The following ACTN4 variants were observed in gnomAD, a reference collection of about 807,000 sequenced individuals.
ACTN4 encodes the protein actinin alpha 4.
ACTN4 carries 18 observed loss-of-function variants against 114.2 expected under a neutral mutation model. The ratio of observed to expected loss-of-function variants is 0.16; its 90% CI spans 0.11 to 0.23. The LOEUF (loss-of-function observed/expected upper bound fraction) is 0.23. Ranked by LOEUF, ACTN4 falls within the 10% of genes least tolerant of loss-of-function variation. The pLI is 1.00. For missense variants in ACTN4, 722 were observed against 1,262.9 expected (o/e 0.57, Z 6.49); for synonymous variants, 515 against 506.3 (o/e 1.02, Z -0.23).
intron 3 of ACTN4, 130 bp downstream of exon 3, chr19:38,701,251 A>G (rs889268813): frequency 3.4e-6 from 5 of 1,460,236 alleles, no homozygotes; most frequent in East Asian, 4.8e-5. Flanking sequence ...GCCCCAGTAC[A>G]TACTCAGCAG....
chr19:38,697,336 G>T (rs563909001), intron 1 of ACTN4, among the ~76,000 whole-genome samples: 1 of 152,312 alleles, frequency 6.6e-6, no homozygotes, highest in Admixed American at 6.5e-5. Context: ...GAAGAGACTG[G>T]ATCTCAGCAC....
chr19:38,723,878 C>G (rs1285393064), intron 13 of ACTN4, 59 bp from the exon 14 acceptor site: 1 of 1,593,138 alleles, frequency 6.3e-7, no homozygotes, highest in Non-Finnish European at 8.6e-7. Flanking sequence ...CCCACCCCTC[C>G]TGCTCACATA....
intron 1 of ACTN4, among the ~76,000 whole-genome samples, chr19:38,689,226 C>A (rs1279624739): frequency 6.6e-6 from 1 of 152,138 alleles, no homozygotes. Flanking sequence ...TATATCCATA[C>A]AATGGAATGT....
At chr19:38,684,287 GCCC>G (rs762212014) in intron 1 of ACTN4, among the ~76,000 whole-genome samples, 17 of 152,278 alleles carry the variant, frequency 1.1e-4, no homozygotes, top group Admixed American at 7.2e-4. Context: ...TTCAGGCTCA[GCCC>G]CTTAGTGGCT....
chr19:38,691,435 A>C (rs993829655), intron 1 of ACTN4, among the ~76,000 whole-genome samples: 7 of 149,636 alleles, frequency 4.7e-5, no homozygotes, highest in Middle Eastern at 3.5e-3. Flanking sequence ...AAAAAAAAAA[A>C]CCCAACAACG....
At chr19:38,673,709 T>TTA (rs1967273174) in intron 1 of ACTN4, among the ~76,000 whole-genome samples, 3 of 86,984 alleles carry the variant, frequency 3.4e-5, no homozygotes, top group Non-Finnish European at 6.8e-5. Flanking sequence ...ATTTATATAT[T>TTA]TATATATTTA....
At chr19:38,663,083 G>A (rs1211032511) in intron 1 of ACTN4, among the ~76,000 whole-genome samples, 1 of 152,012 alleles carries the variant, frequency 6.6e-6, no homozygotes, top group African/African-American at 2.4e-5. Context: ...CTAGTTTTTT[G>A]TATTTTTAGT....
chr19:38,700,993 A>G lies in ACTN4; in HGVS notation c.278-9A>G, dbSNP rs1214974997. The G allele has an allele frequency of 6.2e-7, 1 of 1,613,000 alleles. No individual in the cohort carries two copies. The highest frequency in any genetic ancestry group is 8.5e-7 in the Non-Finnish European group (1 of 1,179,682). ...CTCGCCCCCTCTTTTCTCTTTGTGC[A>G]CTTCTCAGGGGAGCGGTTACCTAAG... On this transcript the variant is annotated splice_polypyrimidine_tract_variant and intron_variant, in intron 2 of 20. Coordinates refer to ENST00000252699, the MANE Select transcript of ACTN4 (RefSeq NM_004924.6).
rs1368269570 is a variant in ACTN4, at chr19:38,727,512, C to G, written c.2337+409C>G. Among the ~76,000 whole-genome samples the G allele has an allele frequency of 6.6e-6, 1 of 152,168 alleles. No homozygotes were observed. Among genetic ancestry groups the G allele is most frequent in the Non-Finnish European group, 1.5e-5 (1 of 68,010 alleles). On this transcript the variant is annotated intron_variant, in intron 18 of 20. Coordinates refer to ENST00000252699, the MANE Select transcript of ACTN4 (RefSeq NM_004924.6). This position sits in a 1 kb window ranked among gnomAD's most constrained non-coding sequence, Gnocchi z 5.4. ...CGCCAGAGTTTGCTGCCATCCCCAG[C>G]CCACCCCTGCCGGGCTGACGGACTG...
At chr19:38,661,233 C>T (rs1976876891) in intron 1 of ACTN4, among the ~76,000 whole-genome samples, 1 of 152,186 alleles carries the variant, frequency 6.6e-6, no homozygotes, top group South Asian at 2.1e-4. Flanking sequence ...GCGCTCCTAC[C>T]CTTTCCTCCC....
In ACTN4 at chr19:38,711,256, T is replaced by TTC. The variant is rs749086300; in HGVS notation, c.819+926_819+927dup. 72 of 974,152 alleles carry TTC rather than the reference T, an allele frequency of 7.4e-5. 1 individual carries two copies. The highest frequency in any genetic ancestry group is 7.6e-5 in the Non-Finnish European group (62 of 813,974). The allele number at this position is 974,152 out of a possible 1,614,324, so 60.3% of individuals were successfully genotyped here. Reference sequence around the variant, plus strand: ...CACTCTCTCCTGCCTCTCTCTCTCTTTCTCTCTCTCTCTGTGCAGATATTG... The same window carrying TTC: ...CACTCTCTCCTGCCTCTCTCTCTCTTTCTCTCTCTCTCTCTGTGCAGATATTG... On this transcript the variant is annotated intron_variant, in intron 8 of 20. Transcript: ENST00000252699.
chr19:38,725,989 T>C, intron 17 of ACTN4, 86 bp downstream of exon 17: 5 of 1,513,080 alleles, frequency 3.3e-6, no homozygotes, highest in Non-Finnish European at 4.6e-6. Flanking sequence ...AGAAGATAGC[T>C]GTCTGCTGTC....
chr19:38,729,540 C>T lies in ACTN4; in HGVS notation c.*108C>T, dbSNP rs757199842. The T allele has an allele frequency of 3.2e-5, 16 of 501,746 alleles. No homozygotes were observed. The highest frequency in any genetic ancestry group is 6.8e-5 in the African/African-American group (2 of 29,412). 31.1% of individuals were successfully genotyped at this position (501,746 alleles called of 1,614,324 possible). On this transcript the variant is annotated 3_prime_UTR_variant, in exon 21 of 21. Coordinates refer to ENST00000252699, the MANE Select transcript of ACTN4 (RefSeq NM_004924.6). ...ATCTATGCAAAGCACTCTCTGCAGT[C>T]CTCCGGGGTGGGTGGGTGGGCAGGG...
intron 1 of ACTN4, among the ~76,000 whole-genome samples, chr19:38,695,465 G>T (rs780493504): frequency 1.3e-5 from 2 of 152,190 alleles, no homozygotes; most frequent in Non-Finnish European, 2.9e-5. Context: ...CTTCTTTGGC[G>T]TGCCGGCAGG....
chr19:38,717,387 T>G lies in ACTN4; in HGVS notation c.1143+71T>G. The G allele has an allele frequency of 1.3e-6, 2 of 1,554,028 alleles. No individual in the cohort carries two copies. Among genetic ancestry groups the G allele is most frequent in the South Asian group, 2.3e-5 (2 of 86,292 alleles). ...AGCCCTAGAACTGCCTGTGGGCAGTTTGGCCAGCGTAATCTTTCCTAAGTT... is the reference window on the plus strand; with the variant it reads ...AGCCCTAGAACTGCCTGTGGGCAGTGTGGCCAGCGTAATCTTTCCTAAGTT... On this transcript the variant is annotated intron_variant, in intron 10 of 20. Transcript: ENST00000252699. This position sits in a 1 kb window ranked among gnomAD's most constrained non-coding sequence, Gnocchi z 4.0.
intron 9 of ACTN4, 110 bp downstream of exon 9, chr19:38,714,671 G>C: frequency 8.8e-7 from 1 of 1,142,192 alleles, no homozygotes; most frequent in Non-Finnish European, 1.3e-6. Context: ...CCTAGAAAAG[G>C]CTGCGTGGTC....
At position 38,647,912 on chromosome 19, in the gene ACTN4, G is replaced by A; in HGVS notation, c.162+5G>A. 1 of 1,489,056 alleles carries A rather than the reference G, an allele frequency of 6.7e-7. No individual in the cohort carries two copies. The highest frequency in any genetic ancestry group is 1.3e-5 in the South Asian group (1 of 76,770). 92.2% of individuals were successfully genotyped at this position (1,489,056 alleles called of 1,614,324 possible). On this transcript the variant is annotated splice_donor_5th_base_variant and intron_variant, in intron 1 of 20. Coordinates refer to ENST00000252699, the MANE Select transcript of ACTN4 (RefSeq NM_004924.6). ...TGGGAGAAGCAGCAGCGCAAGGTGC[G>A]CGGCCCGCGGGCCGGACGGGCTGGA...
intron 12 of ACTN4, among the ~76,000 whole-genome samples, chr19:38,722,219 C>T (rs8111746): frequency 0.38 from 58,160 of 152,006 alleles, 12,201 homozygotes; most frequent in Non-Finnish European, 0.47. Flanking sequence ...CTGAGGGTCG[C>T]GCTGGTGAAT....
At chr19:38,712,640 G>A (rs527557353) in intron 8 of ACTN4, among the ~76,000 whole-genome samples, 3 of 152,166 alleles carry the variant, frequency 2.0e-5, no homozygotes, top group Admixed American at 6.5e-5. Flanking sequence ...CAGGAGGGTG[G>A]AGGGAGGACC....
Sources: gnomAD v4.1 joint callset for allele counts (sites outside exome capture counted in the v4.1 genomes callset) on GRCh38, gnomAD v4.1.1 for gene constraint, Gnocchi (gnomAD v3.1) non-coding constraint, MANE v1.5 for transcripts, NCBI Gene and HGNC (gene_info 2026-07-23, HGNC 2026-07-21) for gene names.